DLGAP1: variants seen among roughly 807,000 people sequenced by gnomAD.
The protein encoded by DLGAP1 is DLG associated protein 1, also known as disks large-associated protein 1.
Under a neutral mutation model 90.8 loss-of-function variants are expected in DLGAP1, and 11 were observed. That is an observed-to-expected ratio of 0.12 (90% CI 0.08 to 0.20). The LOEUF is 0.20. Among genes scored for constraint, DLGAP1 ranks in the 10% least tolerant of loss-of-function variants. The pLI is 1.00. For missense variants in DLGAP1, 1,050 were observed against 1,333.8 expected (o/e 0.79, Z 3.31); for synonymous variants, 558 against 540.7 (o/e 1.03, Z -0.44).
rs142698649 is a variant in DLGAP1, at chr18:4,215,881, A to T, written c.-266-64594T>A. 4.0e-3 allele frequency among the ~76,000 whole-genome samples: 616 copies of T among 152,252 alleles called. 1 individual carries two copies. The highest frequency in any genetic ancestry group is 0.013 in the African/African-American group (561 of 41,562). Reference sequence around the variant, plus strand: ...AGCAGGAACACATTTGGGTAGGAAGATGCAGACTGAAAATTCACTGAAAGA... The same window carrying T: ...AGCAGGAACACATTTGGGTAGGAAGTTGCAGACTGAAAATTCACTGAAAGA... On this transcript the variant is annotated intron_variant, in intron 1 of 12. Transcript: ENST00000315677.
intron 2 of DLGAP1, among the ~76,000 whole-genome samples, chr18:4,106,757 C>T (rs1357265229): frequency 6.6e-6 from 1 of 152,076 alleles, no homozygotes; most frequent in Non-Finnish European, 1.5e-5. Flanking sequence ...AGGACTTTCA[C>T]CAAAGCTTTT....
At chr18:3,844,241 T>G (rs559654858) in intron 4 of DLGAP1, among the ~76,000 whole-genome samples, 1 of 152,242 alleles carries the variant, frequency 6.6e-6, no homozygotes, top group East Asian at 1.9e-4. Flanking sequence ...TCACCTACTT[T>G]GTGAACCTAA....
intron 7 of DLGAP1, among the ~76,000 whole-genome samples, chr18:3,598,682 G>A (rs1378841817): frequency 6.6e-6 from 1 of 152,076 alleles, no homozygotes; most frequent in African/African-American, 2.4e-5. Context: ...TAGCCAGGCT[G>A]GTCTTGAACT....
intron 7 of DLGAP1, among the ~76,000 whole-genome samples, chr18:3,626,549 A>G (rs1476012047): frequency 1.3e-5 from 2 of 149,496 alleles, no homozygotes; most frequent in Middle Eastern, 3.5e-3. Flanking sequence ...AGCCGAGATC[A>G]CACCACTGCA....
At chr18:4,206,348 CA>C (rs1490844887) in intron 1 of DLGAP1, among the ~76,000 whole-genome samples, 1 of 151,968 alleles carries the variant, frequency 6.6e-6, no homozygotes, top group Non-Finnish European at 1.5e-5. Context: ...TTGAAGTTTG[CA>C]AAAATGACTG....
chr18:4,312,404 T>C (rs2080422724), intron 1 of DLGAP1, among the ~76,000 whole-genome samples: 1 of 152,216 alleles, frequency 6.6e-6, no homozygotes, highest in Admixed American at 6.5e-5. Flanking sequence ...CAATTTATGA[T>C]GGTTCCACTT....
intron 7 of DLGAP1, among the ~76,000 whole-genome samples, chr18:3,698,116 C>T (rs1302490024): frequency 2.6e-5 from 4 of 152,038 alleles, no homozygotes; most frequent in African/African-American, 7.2e-5. Flanking sequence ...TACAGCACAC[C>T]GCTGGGCCTT....
chr18:4,093,748 G>A (rs1035594962), intron 2 of DLGAP1, among the ~76,000 whole-genome samples: 2 of 152,048 alleles, frequency 1.3e-5, no homozygotes, highest in Non-Finnish European at 2.9e-5. Context: ...CAATCACCTT[G>A]TCTGCTTTTT....
chr18:4,056,211 G>T (rs2075214251), intron 2 of DLGAP1, among the ~76,000 whole-genome samples: 1 of 152,140 alleles, frequency 6.6e-6, no homozygotes, highest in Non-Finnish European at 1.5e-5. Context: ...ATGAAAGAAA[G>T]GGGGAAGGAA....
At chr18:3,524,482 T>C (rs1459405061) in intron 10 of DLGAP1, among the ~76,000 whole-genome samples, 2 of 152,158 alleles carry the variant, frequency 1.3e-5, no homozygotes, top group African/African-American at 4.8e-5. Flanking sequence ...AAAAAGTAAC[T>C]ATGTGAGATG....
chr18:4,267,285 T>G (rs931604121), intron 1 of DLGAP1, among the ~76,000 whole-genome samples: 4 of 152,216 alleles, frequency 2.6e-5, no homozygotes, highest in Non-Finnish European at 5.9e-5. Flanking sequence ...CCTGCCCACC[T>G]GTGCACCTAA....
intron 1 of DLGAP1, among the ~76,000 whole-genome samples, chr18:4,244,676 G>A (rs934729549): frequency 2.0e-5 from 3 of 152,162 alleles, no homozygotes; most frequent in African/African-American, 7.2e-5. Context: ...TCAGTTACAT[G>A]ATCTGTGTGT....
chr18:3,758,361 C>G lies in DLGAP1; in HGVS notation c.1173-15849G>C, dbSNP rs554361711. Among the ~76,000 whole-genome samples, 9 of 152,294 alleles carry G rather than the reference C, an allele frequency of 5.9e-5. No homozygotes were observed. In the South Asian group the frequency reaches 1.2e-3, roughly 21 times the overall value. On this transcript the variant is annotated intron_variant, in intron 5 of 12. Coordinates refer to ENST00000315677, the MANE Select transcript of DLGAP1 (RefSeq NM_004746.4). The stretch of plus-strand genomic sequence containing the variant: ...AACTCTTGGGATTCAGTTTTCTAAT[C>G]TGTAAAATGAGAGAGCTCAAAATTT...
chr18:3,772,032 A>G (rs139441770), intron 5 of DLGAP1, among the ~76,000 whole-genome samples: 17 of 152,356 alleles, frequency 1.1e-4, no homozygotes, highest in African/African-American at 4.1e-4. Context: ...AATAGATTGC[A>G]ATATTTGACT....
intron 3 of DLGAP1, among the ~76,000 whole-genome samples, chr18:3,992,000 C>G (rs1194060999): frequency 6.6e-6 from 1 of 152,112 alleles, no homozygotes; most frequent in Non-Finnish European, 1.5e-5. Flanking sequence ...TACTTCTCTC[C>G]CCTGATGGCT....
chr18:4,359,247 C>T (rs976960901), intron 1 of DLGAP1, among the ~76,000 whole-genome samples: 1 of 152,200 alleles, frequency 6.6e-6, no homozygotes, highest in African/African-American at 2.4e-5. Context: ...ATCTCTCTGA[C>T]TTCTCCTTCC....
chr18:3,854,260 A>G (rs192500471), intron 4 of DLGAP1, among the ~76,000 whole-genome samples: 330 of 152,344 alleles, frequency 2.2e-3, no homozygotes, highest in Admixed American at 4.1e-3. Flanking sequence ...GTCTCTAGCG[A>G]GAAGCAGAGT....
At chr18:3,946,059 A>T (rs1443456147) in intron 3 of DLGAP1, among the ~76,000 whole-genome samples, 1 of 152,128 alleles carries the variant, frequency 6.6e-6, no homozygotes, top group Non-Finnish European at 1.5e-5. Flanking sequence ...AAGCTATCAT[A>T]GGTATACTTA....
rs190743241 is a variant in DLGAP1, at chr18:3,733,234, C to T, written c.1351-3859G>A. ...AGAGCAAATAAACGTATTATGCTCC[C>T]CAACCAGTGAACGCTCATTTAGTCT... On this transcript the variant is annotated intron_variant, in intron 6 of 12. Coordinates refer to ENST00000315677, the MANE Select transcript of DLGAP1 (RefSeq NM_004746.4). Among the ~76,000 whole-genome samples, 423 of 152,194 alleles carry T rather than the reference C, an allele frequency of 2.8e-3. 2 individuals carry two copies. The highest frequency in any genetic ancestry group is 9.7e-3 in the African/African-American group (402 of 41,528).
Sources: allele counts gnomAD v4.1 joint callset (sites outside exome capture counted in the v4.1 genomes callset), GRCh38; gene constraint gnomAD v4.1.1; transcripts MANE v1.5; gene names NCBI Gene and HGNC (gene_info 2026-07-23, HGNC 2026-07-21).